GPCPD1: variants seen among roughly 807,000 people sequenced by gnomAD.
The protein encoded by GPCPD1 is glycerophosphocholine phosphodiesterase 1, also known as glycerophosphocholine phosphodiesterase GPCPD1.
Under a neutral mutation model 89.2 loss-of-function variants are expected in GPCPD1, and 29 were observed. The ratio of observed to expected loss-of-function variants is 0.33; its 90% CI spans 0.24 to 0.44. The LOEUF (loss-of-function observed/expected upper bound fraction) is 0.44. Among genes scored for constraint, GPCPD1 ranks in the 20% least tolerant of loss-of-function variants. The pLI, the probability that GPCPD1 is intolerant of heterozygous loss-of-function variation, is 1.00. For missense variants in GPCPD1, 594 were observed against 808.9 expected (o/e 0.73, Z 3.22); for synonymous variants, 258 against 266.3 (o/e 0.97, Z 0.30).
At chr20:5,566,506 C>T (rs1600731559) in intron 14 of GPCPD1, among the ~76,000 whole-genome samples, 1 of 152,150 alleles carries the variant, frequency 6.6e-6, no homozygotes, top group Non-Finnish European at 1.5e-5. Context: ...AGTATTAACA[C>T]TTTGATCATC....
rs1046217761 is a variant in GPCPD1, at chr20:5,551,362, G to A, written c.1830-3512C>T. Among the ~76,000 whole-genome samples the A allele has an allele frequency of 2.6e-5, 4 of 152,184 alleles. No individual in the cohort carries two copies. The South Asian group carries it at 6.2e-4, about 24-fold the overall frequency. On this transcript the variant is annotated intron_variant, in intron 19 of 19. Transcript: ENST00000379019. ...ATACTTGTAAATATACCTTATCTGTGTACTGGGTTGCCGCATAAAATAAGC... is the reference window on the plus strand; with the variant it reads ...ATACTTGTAAATATACCTTATCTGTATACTGGGTTGCCGCATAAAATAAGC...
intron 15 of GPCPD1, among the ~76,000 whole-genome samples, chr20:5,563,863 CTT>C (rs1282929204): frequency 6.6e-6 from 1 of 152,166 alleles, no homozygotes; most frequent in Non-Finnish European, 1.5e-5. Context: ...ATTATGGTCA[CTT>C]CTCTCCTTTC....
chr20:5,586,879 A>G (rs2122724428), intron 4 of GPCPD1, among the ~76,000 whole-genome samples: 1 of 152,320 alleles, frequency 6.6e-6, no homozygotes, highest in East Asian at 1.9e-4. Flanking sequence ...AAATTCTAGA[A>G]GGGACATGTG....
intron 10 of GPCPD1, 157 bp from the exon 11 acceptor site, chr20:5,574,126 AGGAAT>A: frequency 1.7e-6 from 1 of 604,220 alleles, no homozygotes; most frequent in South Asian, 2.0e-5. Context: ...GGCTGTGACT[AGGAAT>A]TTATTCCTTA....
At chr20:5,593,469 A>G in intron 3 of GPCPD1, 58 bp from the exon 4 acceptor site, 2 of 869,534 alleles carry the variant, frequency 2.3e-6, no homozygotes, top group Non-Finnish European at 3.8e-6. Flanking sequence ...GTGCATAAAG[A>G]CTTCTTAATT....
In GPCPD1 at chr20:5,547,080, CT is replaced by C. The variant is rs1009204884; in HGVS notation, c.*580del. 1 of 152,538 alleles carries C rather than the reference CT, an allele frequency of 6.6e-6. No homozygotes were observed. Among genetic ancestry groups the C allele is most frequent in the African/African-American group, 2.4e-5 (1 of 41,418 alleles). 9.4% of individuals were successfully genotyped at this position (152,538 alleles called of 1,614,324 possible). The stretch of plus-strand genomic sequence containing the variant: ...ACAAGTTTCGAGGTTCACCTTCAGG[CT>C]GGTTTGGTTAAGTGGAAAAATGGCA... On this transcript the variant is annotated 3_prime_UTR_variant, in exon 20 of 20. Coordinates refer to ENST00000379019, the MANE Select transcript of GPCPD1 (RefSeq NM_019593.5).
chr20:5,565,107 A>G, intron 14 of GPCPD1, 29 bp from the exon 15 acceptor site: 1 of 1,136,270 alleles, frequency 8.8e-7, no homozygotes, highest in Non-Finnish European at 1.3e-6. Flanking sequence ...AAATCTCAGT[A>G]AATAAAATGC....
At chr20:5,557,250 C>T (rs916339903) in intron 19 of GPCPD1, among the ~76,000 whole-genome samples, 4 of 152,166 alleles carry the variant, frequency 2.6e-5, no homozygotes, top group Non-Finnish European at 5.9e-5. Flanking sequence ...TTAAAAGCTT[C>T]CCTCTCACTA....
chr20:5,576,686 GA>G (rs1200706340), intron 8 of GPCPD1, among the ~76,000 whole-genome samples: 4 of 152,060 alleles, frequency 2.6e-5, no homozygotes, highest in African/African-American at 2.4e-5. Flanking sequence ...TATTTGTAGT[GA>G]ATTTTTAACA....
chr20:5,580,310 C>T (rs1978367027), intron 6 of GPCPD1, among the ~76,000 whole-genome samples, 179 bp from the exon 7 acceptor site: 1 of 151,914 alleles, frequency 6.6e-6, no homozygotes, highest in African/African-American at 2.4e-5. Flanking sequence ...CCTGCCTAAA[C>T]CGTTGTTCAT....
chr20:5,573,998 AC>A (rs769798351), intron 10 of GPCPD1, 29 bp from the exon 11 acceptor site: 1 of 1,079,766 alleles, frequency 9.3e-7, no homozygotes, highest in East Asian at 2.3e-5. Context: ...GTTAACATAG[AC>A]TATAGAGAAG....
chr20:5,591,412 A>G (rs1419795809), intron 4 of GPCPD1, among the ~76,000 whole-genome samples: 1 of 152,248 alleles, frequency 6.6e-6, no homozygotes, highest in Admixed American at 6.5e-5. Flanking sequence ...TTTATAGATG[A>G]GGAGGCTAAA....
At chr20:5,559,561 G>C (rs942885460) in intron 17 of GPCPD1, among the ~76,000 whole-genome samples, 1 of 151,590 alleles carries the variant, frequency 6.6e-6, no homozygotes, top group Non-Finnish European at 1.5e-5. Flanking sequence ...CTGGGTGACA[G>C]AGTGAGATCC....
At chr20:5,605,226 C>T (rs564584242) in intron 1 of GPCPD1, among the ~76,000 whole-genome samples, 1 of 152,216 alleles carries the variant, frequency 6.6e-6, no homozygotes, top group Admixed American at 6.5e-5. Flanking sequence ...TTTTTTAAGT[C>T]GTCAAGATTC....
At chr20:5,552,966 C>T (rs371086000) in intron 19 of GPCPD1, among the ~76,000 whole-genome samples, 9 of 152,260 alleles carry the variant, frequency 5.9e-5, no homozygotes, top group African/African-American at 2.2e-4. Context: ...TCTTACTGCA[C>T]TTCGTCTTTT....
At chr20:5,607,466 T>C (rs1980667814) in intron 1 of GPCPD1, among the ~76,000 whole-genome samples, 1 of 151,640 alleles carries the variant, frequency 6.6e-6, no homozygotes, top group Non-Finnish European at 1.5e-5. Flanking sequence ...TAGTCCCAGC[T>C]ACTCGGGAAG....
At chr20:5,575,655 A>C (rs976388215) in intron 9 of GPCPD1, 110 bp from the exon 10 acceptor site, 11 of 908,904 alleles carry the variant, frequency 1.2e-5, no homozygotes, top group Non-Finnish European at 1.7e-5. Flanking sequence ...GTTTCTGTCA[A>C]ACGGAAAAAA....
chr20:5,607,273 C>T (rs769837425), intron 1 of GPCPD1, among the ~76,000 whole-genome samples: 2 of 144,138 alleles, frequency 1.4e-5, no homozygotes, highest in Non-Finnish European at 3.0e-5. Flanking sequence ...GGCAACACAG[C>T]GAGACTCTAT....
intron 10 of GPCPD1, chr20:5,574,243 G>A (rs1228377495): frequency 2.5e-6 from 1 of 401,586 alleles, no homozygotes; most frequent in Non-Finnish European, 4.5e-6. Context: ...TTGGAGACAT[G>A]TAAAGTGATC....
Sources: gnomAD v4.1 joint callset for allele counts (sites outside exome capture counted in the v4.1 genomes callset) on GRCh38, gnomAD v4.1.1 for gene constraint, MANE v1.5 for transcripts, NCBI Gene and HGNC (gene_info 2026-07-23, HGNC 2026-07-21) for gene names.